LRRC43: variants seen among roughly 807,000 people sequenced by gnomAD.
LRRC43 encodes leucine-rich repeat-containing protein 43.
Under a neutral mutation model 64.3 loss-of-function variants are expected in LRRC43, and 62 were observed. The observed-to-expected ratio is 0.96, with a 90% confidence interval of 0.79 to 1.19. LRRC43 has a LOEUF of 1.19. LRRC43 is among the 50% of genes most tolerant of loss of function. The pLI is 0.00. For missense variants in LRRC43, 868 were observed against 845.0 expected (o/e 1.03, Z -0.34); for synonymous variants, 422 against 382.3 (o/e 1.10, Z -1.21).
At chr12:122,195,525 G>A (rs1953765868) in intron 7 of LRRC43, among the ~76,000 whole-genome samples, 1 of 152,130 alleles carries the variant, frequency 6.6e-6, no homozygotes, top group Non-Finnish European at 1.5e-5. Flanking sequence ...ACAGGTGTGA[G>A]CCACCATGCC....
intron 1 of LRRC43, among the ~76,000 whole-genome samples, chr12:122,173,231 A>C (rs1188791907): frequency 3.3e-5 from 5 of 152,152 alleles, no homozygotes; most frequent in Admixed American, 2.6e-4. Flanking sequence ...CCAAATTGCC[A>C]GCAGCACCTC....
rs146475757 is a variant in LRRC43, at chr12:122,199,963, A to T, written c.1350-226A>T. 1.5e-3 allele frequency among the ~76,000 whole-genome samples: 235 copies of T among 152,132 alleles called. 2 individuals carry two copies. Among genetic ancestry groups the T allele is most frequent in the African/African-American group, 5.3e-3 (220 of 41,510 alleles). The stretch of plus-strand genomic sequence containing the variant: ...GTTGCTCAGGGTGGTCCTGCCTCTG[A>T]AGGAGGGCTCCACTTGCCTTTCTTT... On this transcript the variant is annotated intron_variant, in intron 7 of 11. Transcript: ENST00000339777.
intron 7 of LRRC43, among the ~76,000 whole-genome samples, chr12:122,198,664 T>C (rs1593154309): frequency 6.7e-6 from 1 of 149,734 alleles, no homozygotes; most frequent in Middle Eastern, 3.4e-3. Flanking sequence ...GGTTTCATTC[T>C]TGTCACCCAG....
intron 5 of LRRC43, 43 bp downstream of exon 5, chr12:122,190,411 C>A (rs775427359): frequency 6.7e-7 from 1 of 1,499,600 alleles, no homozygotes; most frequent in Admixed American, 1.7e-5. Context: ...ATGTGACACC[C>A]CAGCCTGCGC....
intron 1 of LRRC43, among the ~76,000 whole-genome samples, chr12:122,168,714 G>A (rs957442701): frequency 1.4e-4 from 22 of 152,250 alleles, no homozygotes; most frequent in African/African-American, 2.4e-4. Context: ...AAAACTAAGC[G>A]ATTAACACTC....
At chr12:122,201,251 C>T in intron 10 of LRRC43, 45 bp from the exon 11 acceptor site, 1 of 1,604,302 alleles carries the variant, frequency 6.2e-7, no homozygotes, top group South Asian at 1.1e-5. Flanking sequence ...TCTCTAGTAC[C>T]TCCCCTCTCC....
At position 122,200,307 on chromosome 12, in the gene LRRC43, A is replaced by G. The variant is rs1953820819; in HGVS notation, c.1468A>G (p.Thr490Ala). Residue 490 changes from threonine (T) to alanine (A), a missense_variant, in exon 8 of 12, where the codon ACC becomes GCC. Coordinates refer to ENST00000339777, the MANE Select transcript of LRRC43 (RefSeq NM_001098519.2). The surrounding 1 kb of genome is among the most constrained non-coding windows in gnomAD (Gnocchi z 4.6). ...GAAGGCCTTCCTGCTGGCGGGGACC[A>G]CCGTGACCATCGTGGAGGAGAAGGT... ...PLKAFLLAGT[T>A]VTIVEEKILS... is the part of the protein sequence containing the mutation. The G allele has an allele frequency of 6.2e-7, 1 of 1,611,314 alleles. No individual in the cohort carries two copies. The highest frequency in any genetic ancestry group is 1.3e-5 in the African/African-American group (1 of 74,794).
chr12:122,192,956 T>C lies in LRRC43; in HGVS notation c.1301T>C (p.Leu434Pro). 6.2e-7 allele frequency: 1 copy of C among 1,614,034 alleles called. No homozygotes were observed. The highest frequency in any genetic ancestry group is 8.5e-7 in the Non-Finnish European group (1 of 1,180,008). The change falls in exon 7 of 12, where the codon CTG (leucine) becomes CCG (proline). Residue 434 changes from leucine to proline, a missense_variant. By Grantham distance (98) the Leu-to-Pro change is moderately conservative. Coordinates refer to ENST00000339777, the MANE Select transcript of LRRC43 (RefSeq NM_001098519.2). ...LQMPRASAEE[L>P]AKLRLRIDPR... ...ATGCCGAGGGCCTCTGCAGAAGAGCTGGCCAAGTTGAGGCTGCGTATAGAT... is the reference window on the plus strand; with the variant it reads ...ATGCCGAGGGCCTCTGCAGAAGAGCCGGCCAAGTTGAGGCTGCGTATAGAT...
chr12:122,178,138 G>C (rs1281947557), upstream of LRRC43, among the ~76,000 whole-genome samples: 1 of 151,754 alleles, frequency 6.6e-6, no homozygotes, highest in Non-Finnish European at 1.5e-5. Context: ...ACGCCTGGCT[G>C]CATTTGTGGT....
At chr12:122,177,679 A>G (rs1470258406) in intron 1 of LRRC43, among the ~76,000 whole-genome samples, 1 of 150,908 alleles carries the variant, frequency 6.6e-6, no homozygotes, top group Non-Finnish European at 1.5e-5. Context: ...TAATTTTTCT[A>G]TTTTTTGTAG....
upstream of LRRC43, among the ~76,000 whole-genome samples, chr12:122,181,555 AG>A (rs1294268530): frequency 6.6e-6 from 1 of 151,278 alleles, no homozygotes; most frequent in Non-Finnish European, 1.5e-5. Flanking sequence ...AAAAAAAAAA[AG>A]GAAAAGAAAG....
rs1273351696 is a variant in LRRC43 at position 122,196,769 on chromosome 12, A to G, written c.1350-3420A>G. On this transcript the variant is annotated intron_variant, in intron 7 of 11. Transcript: ENST00000339777. ...GGGAAGACTCTGTCTCAAAAAAAAA[A>G]AAAAATCTGTTCTATTTGGGCACTT... 9.2e-5 allele frequency among the ~76,000 whole-genome samples: 14 copies of G among 152,066 alleles called. No homozygotes were observed. The East Asian group carries it at 2.7e-3, about 29-fold the overall frequency.
rs545802978 is a variant in LRRC43, at chr12:122,183,643, A to G, written c.150+349A>G. Reference sequence around the variant, plus strand: ...ACTTTTCCCAGCCTCCGAGCATTTAATAAGAGCCTGAGGCAGTGTGAGAGG... The same window carrying G: ...ACTTTTCCCAGCCTCCGAGCATTTAGTAAGAGCCTGAGGCAGTGTGAGAGG... On this transcript the variant is annotated intron_variant, in intron 1 of 11. Coordinates refer to ENST00000339777, the MANE Select transcript of LRRC43 (RefSeq NM_001098519.2). Among the ~76,000 whole-genome samples, 27 of 152,292 alleles carry G rather than the reference A, an allele frequency of 1.8e-4. No individual in the cohort carries two copies. The South Asian group carries it at 4.6e-3, about 26-fold the overall frequency.
At chr12:122,179,682 G>GA (rs1362927155), upstream of LRRC43, among the ~76,000 whole-genome samples, 2 of 151,984 alleles carry the variant, frequency 1.3e-5, no homozygotes, top group African/African-American at 4.8e-5. Flanking sequence ...ACTCTCAAGA[G>GA]AAAAAGAAGG....
chr12:122,187,563 G>A (rs1307730802), intron 3 of LRRC43, 138 bp from the exon 4 acceptor site: 1 of 622,400 alleles, frequency 1.6e-6, no homozygotes, highest in Non-Finnish European at 2.7e-6. Flanking sequence ...TTAAAAGGGA[G>A]TCGGGGTGGT....
intron 1 of LRRC43, among the ~76,000 whole-genome samples, chr12:122,174,729 T>C (rs1261201456): frequency 6.6e-6 from 1 of 152,112 alleles, no homozygotes; most frequent in Non-Finnish European, 1.5e-5. Flanking sequence ...TCATCTCAAC[T>C]CCATGTGGCC....
intron 7 of LRRC43, among the ~76,000 whole-genome samples, chr12:122,195,468 T>G (rs1953765524): frequency 1.3e-5 from 2 of 152,140 alleles, no homozygotes; most frequent in South Asian, 2.1e-4. Context: ...CTTGAACTCC[T>G]GAGCTCAAGT....
intron 1 of LRRC43, among the ~76,000 whole-genome samples, chr12:122,175,225 A>G (rs1317488703): frequency 2.6e-5 from 4 of 151,224 alleles, no homozygotes; most frequent in Admixed American, 2.0e-4. Context: ...GCTGGAGTGC[A>G]GTAGCGCAAT....
chr12:122,188,198 C>A (rs919229064), intron 4 of LRRC43, among the ~76,000 whole-genome samples: 1 of 152,122 alleles, frequency 6.6e-6, no homozygotes, highest in Non-Finnish European at 1.5e-5. Flanking sequence ...GCTCCGCCTG[C>A]CGGGTTCACG....
Sources: allele counts gnomAD v4.1 joint callset (sites outside exome capture counted in the v4.1 genomes callset), GRCh38; gene constraint gnomAD v4.1.1; non-coding constraint Gnocchi (gnomAD v3.1); transcripts MANE v1.5; gene names NCBI Gene and HGNC (gene_info 2026-07-23, HGNC 2026-07-21).